ADGRV1: variants seen among roughly 807,000 people sequenced by gnomAD.
ADGRV1 encodes the protein G-protein coupled receptor 98.
Under a neutral mutation model 596.2 loss-of-function variants are expected in ADGRV1, and 359 were observed. The ratio of observed to expected loss-of-function variants is 0.60; its 90% CI spans 0.55 to 0.66. The LOEUF (loss-of-function observed/expected upper bound fraction) is 0.66, where lower values mean the gene tolerates loss of function less well. ADGRV1 is among the 30% of genes least tolerant of loss of function. ADGRV1 has a pLI of 0.00. For synonymous variants in ADGRV1, 2,681 were observed against 2,679.2 expected (o/e 1.00, Z -0.02); for missense variants, 7,274 against 7,575.6 (o/e 0.96, Z 1.48).
At chr5:91,078,192 C>T (rs1562187643) in intron 86 of ADGRV1, among the ~76,000 whole-genome samples, 1 of 151,882 alleles carries the variant, frequency 6.6e-6, no homozygotes, top group Non-Finnish European at 1.5e-5. Context: ...TAATATAAAT[C>T]AATATTTTAT....
intron 83 of ADGRV1, among the ~76,000 whole-genome samples, chr5:90,912,798 T>G (rs1251494934): frequency 6.6e-6 from 1 of 152,164 alleles, no homozygotes; most frequent in Non-Finnish European, 1.5e-5. Context: ...AAGTACCACA[T>G]TTTCTCTATC....
chr5:90,677,784 G>A (rs145875653), intron 25 of ADGRV1, among the ~76,000 whole-genome samples: 144 of 152,272 alleles, frequency 9.5e-4, no homozygotes, highest in African/African-American at 3.4e-3. Context: ...AATAGTGGCC[G>A]AGAATCTGAT....
At chr5:90,834,891 T>C (rs1764834482) in intron 77 of ADGRV1, among the ~76,000 whole-genome samples, 2 of 151,748 alleles carry the variant, frequency 1.3e-5, no homozygotes, top group Admixed American at 1.3e-4. Flanking sequence ...TTCTTTTTTC[T>C]TTCTTTCTCT....
At chr5:91,093,702 G>T (rs1300798330) in intron 86 of ADGRV1, among the ~76,000 whole-genome samples, 1 of 152,192 alleles carries the variant, frequency 6.6e-6, no homozygotes. Context: ...TGGGAAGTAG[G>T]CAGGGACTGG....
At chr5:90,639,990 A>G (rs543082496) in intron 11 of ADGRV1, among the ~76,000 whole-genome samples, 1 of 152,306 alleles carries the variant, frequency 6.6e-6, no homozygotes, top group African/African-American at 2.4e-5. Flanking sequence ...TATAGACAAA[A>G]GTTGCCCTGA....
At chr5:90,721,083 C>A (rs764128225) in intron 45 of ADGRV1, 24 bp downstream of exon 45, 2 of 1,598,828 alleles carry the variant, frequency 1.3e-6, no homozygotes, top group Admixed American at 3.4e-5. Context: ...CTTATGAGAA[C>A]AAAATTCTGT....
Position 90,637,765 on chromosome 5 carries a change from C to T in ADGRV1, c.2057C>T (p.Ala686Val), listed in dbSNP as rs1456375389. The change falls in exon 11 of 90, where the codon GCT becomes GTT. Residue 686 changes from alanine to valine, a missense_variant. Physicochemically the swap from Ala to Val is moderately conservative, Grantham distance 64. This residue lies in a region of ADGRV1 where 1,715 missense variants were observed against 1,708.8 expected (regional missense o/e 1.00). Transcript: ENST00000405460. ...CATCGGGATGGAACTGATGGCCAGG[C>T]TACTGTCTACTGGAGTTTGAAGCCC... Reference protein sequence around the residue: ...PLHRDGTDGQATVYWSLKPSG... With the variant: ...PLHRDGTDGQVTVYWSLKPSG... The T allele has an allele frequency of 6.2e-7, 1 of 1,613,266 alleles. No homozygotes were observed. The highest frequency in any genetic ancestry group is 8.5e-7 in the Non-Finnish European group (1 of 1,179,576).
chr5:90,920,512 A>G (rs1773785516), intron 83 of ADGRV1, among the ~76,000 whole-genome samples: 1 of 152,206 alleles, frequency 6.6e-6, no homozygotes, highest in Non-Finnish European at 1.5e-5. Context: ...ACTAGAATTT[A>G]TGTACCTTTA....
chr5:90,958,283 C>CAAAAAAA (rs34676985), intron 83 of ADGRV1, among the ~76,000 whole-genome samples: 20 of 72,790 alleles, frequency 2.7e-4, no homozygotes, highest in Non-Finnish European at 4.0e-4. Flanking sequence ...GACCTTGTCT[C>CAAAAAAA]AAAAAAAAAA....
chr5:90,711,409 A>G, intron 41 of ADGRV1, 87 bp downstream of exon 41: 3 of 967,432 alleles, frequency 3.1e-6, no homozygotes, highest in Non-Finnish European at 4.4e-6. Flanking sequence ...TAGGTCCCAT[A>G]TAAATAAATT....
intron 87 of ADGRV1, among the ~76,000 whole-genome samples, chr5:91,128,329 T>C (rs1793938054): frequency 1.3e-5 from 2 of 151,972 alleles, no homozygotes; most frequent in African/African-American, 4.8e-5. Flanking sequence ...AGCAAATGCA[T>C]TTGGATTTAC....
chr5:90,977,676 G>T (rs998445394), intron 84 of ADGRV1, among the ~76,000 whole-genome samples: 1 of 152,058 alleles, frequency 6.6e-6, no homozygotes, highest in Non-Finnish European at 1.5e-5. Context: ...TCTGGATATT[G>T]GGAAAAATAG....
chr5:90,609,450 A>G (rs954177961), intron 1 of ADGRV1, among the ~76,000 whole-genome samples: 38 of 152,152 alleles, frequency 2.5e-4, no homozygotes, highest in African/African-American at 8.9e-4. Flanking sequence ...TATTTGTAAC[A>G]TTAGAGTACT....
intron 76 of ADGRV1, among the ~76,000 whole-genome samples, 199 bp from the exon 77 acceptor site, chr5:90,828,745 A>G (rs1764269597): frequency 6.6e-6 from 1 of 152,168 alleles, no homozygotes; most frequent in Non-Finnish European, 1.5e-5. Flanking sequence ...AAGTAAATGT[A>G]TTTTTAAAGA....
At chr5:90,679,723 T>G in intron 26 of ADGRV1, 94 bp downstream of exon 26, 6 of 716,614 alleles carry the variant, frequency 8.4e-6, no homozygotes, top group Non-Finnish European at 1.4e-5. Flanking sequence ...ACACCTACTA[T>G]GTGTAGGTCC....
chr5:90,866,489 T>C (rs1237274334), intron 83 of ADGRV1, among the ~76,000 whole-genome samples: 1 of 152,012 alleles, frequency 6.6e-6, no homozygotes, highest in Admixed American at 6.6e-5. Context: ...CAGTAGAAGA[T>C]TTATTTTTCT....
At chr5:91,089,965 G>A (rs894667954) in intron 86 of ADGRV1, among the ~76,000 whole-genome samples, 2 of 152,174 alleles carry the variant, frequency 1.3e-5, no homozygotes, top group African/African-American at 4.8e-5. Context: ...AATGTAGTTA[G>A]AAAACTAGGT....
intron 50 of ADGRV1, among the ~76,000 whole-genome samples, chr5:90,739,536 G>A (rs1319911076): frequency 2.6e-5 from 4 of 152,086 alleles, no homozygotes; most frequent in African/African-American, 9.7e-5. Context: ...TTTGTATTTG[G>A]GCTGGGCTGT....
intron 81 of ADGRV1, among the ~76,000 whole-genome samples, chr5:90,854,512 G>T (rs916521385): frequency 6.6e-6 from 1 of 152,184 alleles, no homozygotes; most frequent in African/African-American, 2.4e-5. Flanking sequence ...TATTGGGCAG[G>T]AAAGAAATTC....
Sources: allele counts gnomAD v4.1 joint callset (sites outside exome capture counted in the v4.1 genomes callset), GRCh38; gene constraint gnomAD v4.1.1; regional missense constraint gnomAD v4.1.1; transcripts MANE v1.5; gene names NCBI Gene and HGNC (gene_info 2026-07-23, HGNC 2026-07-21).